The following RARB variants were observed in gnomAD, a reference collection of about 807,000 sequenced individuals.
RARB encodes the protein HBV-activated protein.
Under a neutral mutation model 51.9 loss-of-function variants are expected in RARB, and 17 were observed. The ratio of observed to expected loss-of-function variants is 0.33; its 90% confidence interval spans 0.22 to 0.49. The LOEUF (loss-of-function observed/expected upper bound fraction) is 0.49, where lower values mean the gene tolerates loss of function less well. RARB is among the 20% of genes least tolerant of loss of function. RARB has a pLI of 0.99. For missense variants in RARB, 369 were observed against 550.8 expected (o/e 0.67, Z 3.30); for synonymous variants, 215 against 195.4 (o/e 1.10, Z -0.84).
At chr3:25,336,469 C>T (rs1314738112) in intron 5 of RARB, among the ~76,000 whole-genome samples, 1 of 152,058 alleles carries the variant, frequency 6.6e-6, no homozygotes, top group Admixed American at 6.6e-5. Flanking sequence ...TTCTTATTGT[C>T]ATTATTCCTT....
rs150867459 is a variant in RARB, at chr3:25,460,761, T to C, written c.158-432T>C. Reference sequence around the variant, plus strand: ...CAAAGAAAATTTACTTTTGGTTAAGTGAGCAACAAGGTCAAGTCGTTTGAG... The same window carrying C: ...CAAAGAAAATTTACTTTTGGTTAAGCGAGCAACAAGGTCAAGTCGTTTGAG... On this transcript the variant is annotated intron_variant, in intron 1 of 7. Coordinates refer to ENST00000330688, the MANE Select transcript of RARB (RefSeq NM_000965.5). Among the ~76,000 whole-genome samples the C allele has an allele frequency of 2.4e-3, 363 of 152,336 alleles. 12 individuals carry two copies. Among genetic ancestry groups the C allele is most frequent in the Admixed American group, 0.021 (315 of 15,294 alleles).
chr3:24,969,380 G>A (rs781330545), intron 2 of RARB, among the ~76,000 whole-genome samples: 3 of 152,044 alleles, frequency 2.0e-5, no homozygotes, highest in South Asian at 2.1e-4. Context: ...TGCCACTGCT[G>A]TTGCTATTGT....
At chr3:25,130,971 T>A (rs1459396406) in intron 3 of RARB, among the ~76,000 whole-genome samples, 1 of 146,422 alleles carries the variant, frequency 6.8e-6, no homozygotes, top group Non-Finnish European at 1.5e-5. Flanking sequence ...ATTATCAATA[T>A]TTATTATTGA....
In RARB at chr3:25,179,798, C is replaced by A. The variant is rs187570652; in HGVS notation, c.178+5223C>A. Among the ~76,000 whole-genome samples the A allele has an allele frequency of 2.4e-3, 370 of 152,208 alleles. 2 individuals are homozygous for A. Among genetic ancestry groups the A allele is most frequent in the East Asian group, 0.021 (110 of 5,178 alleles). On this transcript the variant is annotated intron_variant, in intron 5 of 11. Transcript: ENST00000383772. Reference sequence around the variant, plus strand: ...ATTACTTTAGTGCCTCTTTTCCCCCCAAAAACAAGAATCTTTGTGTCTTCT... The same window carrying A: ...ATTACTTTAGTGCCTCTTTTCCCCCAAAAAACAAGAATCTTTGTGTCTTCT...
intron 1 of RARB, among the ~76,000 whole-genome samples, chr3:25,453,967 A>G (rs971572160): frequency 4.6e-5 from 7 of 152,212 alleles, no homozygotes; most frequent in African/African-American, 7.2e-5. Flanking sequence ...TTGTTTGGCA[A>G]TTACCTAATT....
chr3:25,337,343 C>G (rs966041924), intron 5 of RARB, among the ~76,000 whole-genome samples: 2 of 152,078 alleles, frequency 1.3e-5, no homozygotes, highest in Non-Finnish European at 2.9e-5. Flanking sequence ...CTAATCACAA[C>G]CATTATAGTT....
chr3:25,420,107 T>C lies in RARB; in HGVS notation c.179-41086T>C, dbSNP rs918854587. The stretch of plus-strand genomic sequence containing the variant: ...CATTACCTGTGTGTGTGTGCGCGCG[T>C]GTGTGTGTATAATGTGCTTTTATGC... On this transcript the variant is annotated intron_variant, in intron 5 of 11. Transcript: ENST00000383772. Among the ~76,000 whole-genome samples, 39 of 152,042 alleles carry C rather than the reference T, an allele frequency of 2.6e-4. 1 individual carries two copies. Among genetic ancestry groups the C allele is most frequent in the Non-Finnish European group, 4.9e-4 (33 of 68,004 alleles).
chr3:25,298,548 A>C (rs2125426157), intron 5 of RARB, among the ~76,000 whole-genome samples: 1 of 152,078 alleles, frequency 6.6e-6, no homozygotes, highest in South Asian at 2.1e-4. Context: ...TCAGAATCAA[A>C]CCCCAGGATG....
intron 2 of RARB, among the ~76,000 whole-genome samples, chr3:25,473,562 A>G (rs141232189): frequency 1.2e-3 from 180 of 152,340 alleles, no homozygotes; most frequent in East Asian, 6.6e-3. Context: ...CAAAAGCAGC[A>G]AAATGCAGGC....
At chr3:25,063,227 C>T (rs1698587133) in intron 3 of RARB, among the ~76,000 whole-genome samples, 1 of 152,012 alleles carries the variant, frequency 6.6e-6, no homozygotes. Context: ...TAAAATCATA[C>T]AAATTGTATT....
At chr3:25,282,430 C>T (rs961357419) in intron 5 of RARB, among the ~76,000 whole-genome samples, 2 of 152,210 alleles carry the variant, frequency 1.3e-5, no homozygotes, top group Non-Finnish European at 2.9e-5. Context: ...TACCCACTCT[C>T]ACTTCTAACA....
chr3:25,077,172 A>G lies in RARB; in HGVS notation c.-328+16996A>G, dbSNP rs1396408440. On this transcript the variant is annotated intron_variant, in intron 3 of 11. Coordinates refer to the RARB transcript ENST00000383772. The stretch of plus-strand genomic sequence containing the variant: ...ATAGCATGTTTTCCTGTTTTCCTAA[A>G]CTACTCCTTCTAAACCAAGTGCATT... 3.9e-5 allele frequency among the ~76,000 whole-genome samples: 6 copies of G among 152,216 alleles called. No homozygotes were observed. In the South Asian group the frequency reaches 1.0e-3, roughly 26 times the overall value.
chr3:25,405,648 A>G (rs554779925), intron 5 of RARB, among the ~76,000 whole-genome samples: 13 of 152,334 alleles, frequency 8.5e-5, no homozygotes, highest in South Asian at 2.1e-4. Flanking sequence ...GGCAATTTAA[A>G]TTTAAATGAA....
At chr3:25,521,439 C>T (rs1305352480) in intron 3 of RARB, among the ~76,000 whole-genome samples, 2 of 152,176 alleles carry the variant, frequency 1.3e-5, no homozygotes, top group Non-Finnish European at 2.9e-5. Flanking sequence ...AGAGAGCTGA[C>T]AGCTGCTTCT....
At chr3:25,250,153 G>A (rs546510272) in intron 5 of RARB, among the ~76,000 whole-genome samples, 1 of 152,298 alleles carries the variant, frequency 6.6e-6, no homozygotes, top group South Asian at 2.1e-4. Flanking sequence ...TACAGGTGGT[G>A]CCAGCTGTAG....
chr3:25,014,962 G>A (rs1479535292), intron 2 of RARB, among the ~76,000 whole-genome samples: 1 of 152,002 alleles, frequency 6.6e-6, no homozygotes, highest in African/African-American at 2.4e-5. Flanking sequence ...AAAACCAATT[G>A]TATATCTTTT....
chr3:25,305,100 C>T (rs1704124882), intron 5 of RARB, among the ~76,000 whole-genome samples: 1 of 152,146 alleles, frequency 6.6e-6, no homozygotes, highest in South Asian at 2.1e-4. Context: ...ATCCTCTACA[C>T]CACTGCCCCC....
intron 1 of RARB, among the ~76,000 whole-genome samples, chr3:24,843,166 C>T (rs1702440795): frequency 1.3e-5 from 2 of 152,066 alleles, no homozygotes; most frequent in African/African-American, 2.4e-5. Context: ...ATTAATTGGG[C>T]AATGCTGCTG....
chr3:25,092,127 C>T (rs1208913077), intron 3 of RARB, among the ~76,000 whole-genome samples: 2 of 152,114 alleles, frequency 1.3e-5, no homozygotes, highest in African/African-American at 4.8e-5. Context: ...AGCCAGGCTC[C>T]AGAAATCTGC....
Sources: gnomAD v4.1 joint callset for allele counts (sites outside exome capture counted in the v4.1 genomes callset) on GRCh38, gnomAD v4.1.1 for gene constraint, MANE v1.5 for transcripts, NCBI Gene and HGNC (gene_info 2026-07-23, HGNC 2026-07-21) for gene names.